CDH13: variants seen among roughly 807,000 people sequenced by gnomAD.
CDH13 encodes cadherin 13, also known as cadherin-13.
Under a neutral mutation model 63.8 loss-of-function variants are expected in CDH13, and 24 were observed. The ratio of observed to expected loss-of-function variants is 0.38; its 90% CI spans 0.27 to 0.53. CDH13 has a LOEUF of 0.53. Ranked by LOEUF, CDH13 falls within the 20% of genes least tolerant of loss-of-function variation. The pLI is 0.85. For synonymous variants in CDH13, 503 were observed against 355.3 expected, an observed-to-expected ratio of 1.42 and a Z score of -4.67; for missense variants, 1,049 against 903.1, an observed-to-expected ratio of 1.16 and a Z score of -2.07.
Position 82,831,132 on chromosome 16 carries a change from C to G in CDH13, c.46-27230C>G, listed in dbSNP as rs186786280. ...AGAAATGCAGCACCTAGGCGCCGCA[C>G]CAGACCTGTTGAATAGGAATCTACA... On this transcript the variant is annotated intron_variant, in intron 1 of 13. Coordinates refer to ENST00000567109, the MANE Select transcript of CDH13 (RefSeq NM_001257.5). 3.9e-5 allele frequency among the ~76,000 whole-genome samples: 6 copies of G among 152,170 alleles called. 1 individual carries two copies. The highest frequency in any genetic ancestry group is 1.4e-4 in the African/African-American group (6 of 41,536).
chr16:83,413,312 G>A (rs1299684620), intron 6 of CDH13, among the ~76,000 whole-genome samples: 1 of 152,136 alleles, frequency 6.6e-6, no homozygotes, highest in Non-Finnish European at 1.5e-5. Context: ...TTTTAAAGCA[G>A]CACATAAGAG....
At chr16:83,487,066 C>T (rs947374629) in intron 7 of CDH13, among the ~76,000 whole-genome samples, 2 of 152,156 alleles carry the variant, frequency 1.3e-5, no homozygotes, top group Non-Finnish European at 1.5e-5. Flanking sequence ...GTCAAATGCC[C>T]ATGACTCCTT....
At chr16:83,351,618 T>C (rs968976899) in intron 6 of CDH13, among the ~76,000 whole-genome samples, 2 of 152,232 alleles carry the variant, frequency 1.3e-5, no homozygotes, top group African/African-American at 4.8e-5. Context: ...ATCGTCTCCT[T>C]AACCAATTTC....
chr16:83,385,934 T>G (rs754790293), intron 6 of CDH13, among the ~76,000 whole-genome samples: 38 of 152,206 alleles, frequency 2.5e-4, no homozygotes, highest in Non-Finnish European at 4.7e-4. Context: ...ACAATGTAGT[T>G]TATCATAGTG....
chr16:83,076,778 G>C (rs963355830), intron 3 of CDH13, among the ~76,000 whole-genome samples: 1 of 151,996 alleles, frequency 6.6e-6, no homozygotes, highest in African/African-American at 2.4e-5. Flanking sequence ...ATTTGCTTTT[G>C]GTTATTTTCT....
At chr16:83,699,951 C>G (rs1028744447) in intron 10 of CDH13, among the ~76,000 whole-genome samples, 2 of 152,146 alleles carry the variant, frequency 1.3e-5, no homozygotes, top group Non-Finnish European at 2.9e-5. Flanking sequence ...GATTGACATG[C>G]AAAAGTGCAC....
At chr16:83,538,515 A>G (rs377073118) in intron 7 of CDH13, among the ~76,000 whole-genome samples, 2 of 152,386 alleles carry the variant, frequency 1.3e-5, no homozygotes. Context: ...CTCAAAATAT[A>G]GAGTGAAACT....
chr16:83,152,818 G>C (rs2037043571), intron 4 of CDH13, among the ~76,000 whole-genome samples: 1 of 152,134 alleles, frequency 6.6e-6, no homozygotes, highest in Non-Finnish European at 1.5e-5. Flanking sequence ...GTTAAGATGG[G>C]GTTATACTGA....
chr16:83,699,786 C>T (rs553731095), intron 10 of CDH13, among the ~76,000 whole-genome samples: 2 of 152,306 alleles, frequency 1.3e-5, no homozygotes, highest in South Asian at 4.1e-4. Flanking sequence ...GGAAAGCCCT[C>T]GATTTTCCAT....
intron 10 of CDH13, among the ~76,000 whole-genome samples, chr16:83,732,941 G>A (rs1009206142): frequency 3.3e-5 from 5 of 152,298 alleles, no homozygotes; most frequent in African/African-American, 9.6e-5. Context: ...CCAGACATGA[G>A]GCCACTCACT....
intron 2 of CDH13, among the ~76,000 whole-genome samples, chr16:82,909,073 A>G (rs1219683458): frequency 2.0e-5 from 3 of 152,182 alleles, no homozygotes; most frequent in Non-Finnish European, 1.5e-5. Context: ...AATCATCTCT[A>G]GATTACTTAT....
At chr16:83,276,984 A>G (rs1348653535) in intron 5 of CDH13, among the ~76,000 whole-genome samples, 1 of 152,180 alleles carries the variant, frequency 6.6e-6, no homozygotes, top group East Asian at 1.9e-4. Flanking sequence ...ACTTACAATC[A>G]TGAGAACAAC....
At chr16:83,570,222 A>C (rs571314751) in intron 7 of CDH13, among the ~76,000 whole-genome samples, 24 of 152,348 alleles carry the variant, frequency 1.6e-4, no homozygotes, top group East Asian at 7.7e-4. Flanking sequence ...TAGGTCTTGC[A>C]TCGTAGATGC....
At chr16:83,562,264 A>G (rs565811566) in intron 7 of CDH13, among the ~76,000 whole-genome samples, 1 of 152,208 alleles carries the variant, frequency 6.6e-6, no homozygotes, top group African/African-American at 2.4e-5. Flanking sequence ...TTAGTGCATC[A>G]GGATCCTTGT....
chr16:83,180,722 A>C lies in CDH13; in HGVS notation c.484-36623A>C. The C allele has an allele frequency of 6.4e-6, 4 of 624,250 alleles. No individual in the cohort carries two copies. In the East Asian group the frequency reaches 1.1e-4, roughly 17 times the overall value. 38.7% of individuals were successfully genotyped at this position (624,250 alleles called of 1,614,324 possible). Reference sequence around the variant, plus strand: ...CGTAATTATTAGACTATGCATGCCAATTTTAATTCTAGAAAAACGGTCACT... The same window carrying C: ...CGTAATTATTAGACTATGCATGCCACTTTTAATTCTAGAAAAACGGTCACT... On this transcript the variant is annotated intron_variant, in intron 4 of 13. Coordinates refer to ENST00000567109, the MANE Select transcript of CDH13 (RefSeq NM_001257.5).
At chr16:82,814,475 G>T (rs1357932781) in intron 1 of CDH13, among the ~76,000 whole-genome samples, 1 of 152,104 alleles carries the variant, frequency 6.6e-6, no homozygotes, top group Non-Finnish European at 1.5e-5. Context: ...TCGTGCCTAT[G>T]TAACAAAGCC....
chr16:82,973,359 T>G (rs1909042612), intron 2 of CDH13, among the ~76,000 whole-genome samples: 1 of 152,206 alleles, frequency 6.6e-6, no homozygotes, highest in South Asian at 2.1e-4. Context: ...AACATAGCTT[T>G]AAAGCCTGTT....
chr16:82,742,803 C>T (rs2033992351), intron 1 of CDH13, among the ~76,000 whole-genome samples: 1 of 152,128 alleles, frequency 6.6e-6, no homozygotes, highest in Admixed American at 6.5e-5. Context: ...TAGAAACTAT[C>T]CATCATGTAC....
chr16:83,620,220 G>A (rs1043448008), intron 8 of CDH13, among the ~76,000 whole-genome samples: 9 of 151,952 alleles, frequency 5.9e-5, no homozygotes, highest in South Asian at 2.1e-4. Context: ...GTGAAACCCC[G>A]TCTCTACTGA....
Sources: gnomAD v4.1 joint callset for allele counts (sites outside exome capture counted in the v4.1 genomes callset) on GRCh38, gnomAD v4.1.1 for gene constraint, MANE v1.5 for transcripts, NCBI Gene and HGNC (gene_info 2026-07-23, HGNC 2026-07-21) for gene names.